Variants in MAP3K4 observed in about 807,000 individuals in gnomAD.
MAP3K4 encodes the protein MAP three kinase 1.
A neutral mutation model predicts 185.6 loss-of-function variants in MAP3K4; 67 were observed. The observed-to-expected ratio is 0.36, with a 90% CI of 0.30 to 0.44. MAP3K4 has a LOEUF of 0.44. Among genes scored for constraint, MAP3K4 ranks in the 20% least tolerant of loss-of-function variants. MAP3K4 has a pLI of 1.00. For synonymous variants in MAP3K4, 702 were observed against 710.4 expected (o/e 0.99, Z 0.19); for missense variants, 1,551 against 1,995.1 (o/e 0.78, Z 4.24).
rs758582929 is a variant in MAP3K4 at position 161,106,483 on chromosome 6, G to A, written c.3857-31G>A. The stretch of plus-strand genomic sequence containing the variant: ...GGAAACTGACTTGATAACAGTGATT[G>A]GGACTAATGAGGTTTTGGTTCTCTC... On this transcript the variant is annotated intron_variant, in intron 19 of 26. Transcript: ENST00000392142. This position sits in a 1 kb window ranked among gnomAD's most constrained non-coding sequence, Gnocchi z 4.9. The A allele has an allele frequency of 2.0e-6, 3 of 1,520,406 alleles. No individual in the cohort carries two copies. The South Asian group carries it at 3.7e-5, about 19-fold the overall frequency. The allele number at this position is 1,520,406 out of a possible 1,614,324, so 94.2% of individuals were successfully genotyped here.
chr6:161,115,583 G>A lies in MAP3K4; in HGVS notation c.4806+281G>A, dbSNP rs766809776. 5.3e-5 allele frequency among the ~76,000 whole-genome samples: 8 copies of A among 152,202 alleles called. No individual in the cohort carries two copies. Among genetic ancestry groups the A allele is most frequent in the Non-Finnish European group, 1.0e-4 (7 of 68,038 alleles). On this transcript the variant is annotated intron_variant, in intron 26 of 26. Coordinates refer to ENST00000392142, the MANE Select transcript of MAP3K4 (RefSeq NM_005922.4). The surrounding 1 kb of genome is among the most constrained non-coding windows in gnomAD (Gnocchi z 6.0). ...TGGATGAAAGAGTTTCCACTCTTGA[G>A]AGTGTATAGTCTACTTGGAGGGTCA...
chr6:161,110,786 G>T lies in MAP3K4; in HGVS notation c.4396+872G>T, dbSNP rs1778310717. Among the ~76,000 whole-genome samples the T allele has an allele frequency of 6.6e-6, 1 of 152,214 alleles. No homozygotes were observed. The highest frequency in any genetic ancestry group is 6.5e-5 in the Admixed American group (1 of 15,282). On this transcript the variant is annotated intron_variant, in intron 23 of 26. Coordinates refer to ENST00000392142, the MANE Select transcript of MAP3K4 (RefSeq NM_005922.4). This position sits in a 1 kb window ranked among gnomAD's most constrained non-coding sequence, Gnocchi z 4.8. ...CCAGCATACACCGGTCTCATTGGCT[G>T]CCTGCCTGTCCGCTACCTTGCTTTG... is the stretch of plus-strand genomic sequence containing the variant.
intron 1 of MAP3K4, among the ~76,000 whole-genome samples, chr6:161,030,939 G>A (rs980783671): frequency 7.2e-5 from 11 of 152,116 alleles, no homozygotes; most frequent in African/African-American, 2.4e-4. Context: ...TTTTAATTAC[G>A]AATTATAAGT....
chr6:161,095,644 T>C (rs1295052611), intron 15 of MAP3K4, among the ~76,000 whole-genome samples: 1 of 152,240 alleles, frequency 6.6e-6, no homozygotes, highest in African/African-American at 2.4e-5. Context: ...TCAACAGGTA[T>C]TGATCTCACT....
chr6:161,076,371 G>A lies in MAP3K4; in HGVS notation c.2097+2759G>A, dbSNP rs1025775849. Among the ~76,000 whole-genome samples, 1 of 152,196 alleles carries A rather than the reference G, an allele frequency of 6.6e-6. No individual in the cohort carries two copies. Among genetic ancestry groups the A allele is most frequent in the Non-Finnish European group, 1.5e-5 (1 of 68,038 alleles). On this transcript the variant is annotated intron_variant, in intron 5 of 26. Coordinates refer to ENST00000392142, the MANE Select transcript of MAP3K4 (RefSeq NM_005922.4). The surrounding 1 kb of genome is among the most constrained non-coding windows in gnomAD (Gnocchi z 4.2). Reference sequence around the variant, plus strand: ...AATGGGAGCTCTCTTAGCAGGGGGAGGGGAAGCAGTGATTAGCAAGTTATG... The same window carrying A: ...AATGGGAGCTCTCTTAGCAGGGGGAAGGGAAGCAGTGATTAGCAAGTTATG...
intron 3 of MAP3K4, among the ~76,000 whole-genome samples, chr6:161,052,137 C>G (rs1198768863): frequency 6.6e-6 from 1 of 152,096 alleles, no homozygotes; most frequent in Non-Finnish European, 1.5e-5. Flanking sequence ...TTGGACATGT[C>G]GGGCTTCCGT....
At chr6:161,040,390 G>A (rs1183255407) in intron 2 of MAP3K4, among the ~76,000 whole-genome samples, 1 of 152,052 alleles carries the variant, frequency 6.6e-6, no homozygotes, top group East Asian at 1.9e-4. Flanking sequence ...GTATTTAATT[G>A]AATGCAACTA....
intron 1 of MAP3K4, among the ~76,000 whole-genome samples, chr6:161,031,536 C>T (rs1031002495): frequency 2.0e-5 from 3 of 152,090 alleles, no homozygotes; most frequent in Non-Finnish European, 4.4e-5. Context: ...CTTTTTAGAT[C>T]GTGACGCTCC....
rs986694813 is a variant in MAP3K4 at position 161,049,824 on chromosome 6, A to G, written c.1552A>G (p.Ser518Gly). 1 of 1,614,200 alleles carries G rather than the reference A, an allele frequency of 6.2e-7. No individual in the cohort carries two copies. Among genetic ancestry groups the G allele is most frequent in the Non-Finnish European group, 8.5e-7 (1 of 1,180,010 alleles). Reference protein sequence around the residue: ...APDWSTEAGFSRHCLTSIYRP... With the variant: ...APDWSTEAGFGRHCLTSIYRP... The stretch of plus-strand genomic sequence containing the variant: ...AGACTGGAGCACAGAAGCAGGCTTT[A>G]GTAGACATTGTCTGACTTCTATTTA... Residue 518 changes from serine (S) to glycine (G), a missense_variant, in exon 3 of 27, where the codon AGT becomes GGT. Ser to Gly is a moderately conservative substitution (Grantham distance 56). This residue lies in a region of MAP3K4 where 126 missense variants were observed against 112.8 expected (regional missense o/e 1.12). Coordinates refer to ENST00000392142, the MANE Select transcript of MAP3K4 (RefSeq NM_005922.4). The surrounding 1 kb of genome is among the most constrained non-coding windows in gnomAD (Gnocchi z 8.4).
rs899668116 is a variant in MAP3K4, at chr6:161,093,535, C to A, written c.3349-238C>A. On this transcript the variant is annotated intron_variant, in intron 14 of 26. Coordinates refer to ENST00000392142, the MANE Select transcript of MAP3K4 (RefSeq NM_005922.4). The surrounding 1 kb of genome is among the most constrained non-coding windows in gnomAD (Gnocchi z 5.2). The stretch of plus-strand genomic sequence containing the variant: ...ACATGAAAAGTTCTTTGCTTGTACA[C>A]GTTATTGTGTTATGGGAAATTGACA... Among the ~76,000 whole-genome samples, 1 of 152,070 alleles carries A rather than the reference C, an allele frequency of 6.6e-6. No individual in the cohort carries two copies. The highest frequency in any genetic ancestry group is 1.5e-5 in the Non-Finnish European group (1 of 67,996).
Position 161,048,814 on chromosome 6 carries a change from A to G in MAP3K4, c.542A>G (p.Asp181Gly), listed in dbSNP as rs772683588. 2.5e-6 allele frequency: 4 copies of G among 1,614,160 alleles called. No individual in the cohort carries two copies. The highest frequency in any genetic ancestry group is 3.4e-6 in the Non-Finnish European group (4 of 1,180,026). Residue 181 changes from aspartate (D) to glycine (G), a missense_variant, in exon 3 of 27, where the codon GAT becomes GGT. Transcript: ENST00000392142. This position sits in a 1 kb window ranked among gnomAD's most constrained non-coding sequence, Gnocchi z 4.7. ...TCTTTGCCAAAAAAATCAATTCCAG[A>G]TGTGGATCTCAATAAGCCTTACCTC... ...GGSLPKKSIP[D>G]VDLNKPYLSL... is the part of the protein sequence containing the mutation.
rs775701664 is a variant in MAP3K4 at position 161,000,869 on chromosome 6, A to G, written c.152+8786A>G. Among the ~76,000 whole-genome samples the G allele has an allele frequency of 4.0e-5, 6 of 149,814 alleles. No homozygotes were observed. In the East Asian group the frequency reaches 7.8e-4, roughly 19 times the overall value. Reference sequence around the variant, plus strand: ...TACGCACATATACACATGTGTACACATACATATATGTATATTATACTATAC... The same window carrying G: ...TACGCACATATACACATGTGTACACGTACATATATGTATATTATACTATAC... On this transcript the variant is annotated intron_variant, in intron 1 of 26. Transcript: ENST00000392142.
At position 161,016,260 on chromosome 6, in the gene MAP3K4, T is replaced by C. The variant is rs533758624; in HGVS notation, c.153-17999T>C. Among the ~76,000 whole-genome samples the C allele has an allele frequency of 5.9e-5, 9 of 152,338 alleles. 1 individual carries two copies. The East Asian group carries it at 7.7e-4, about 13-fold the overall frequency. ...GTATATTCTTTATATAAGTCTCTTA[T>C]TAGATACATGATTTGCAAATATTTT... On this transcript the variant is annotated intron_variant, in intron 1 of 26. Transcript: ENST00000392142.
chr6:161,086,398 A>T lies in MAP3K4; in HGVS notation c.2392A>T (p.Ser798Cys), dbSNP rs765159136. ...TGGCAGGAGGTCTGTTATAGAGATC[A>T]GTCGAGCCCTGAAGGAGCTCTTCCA... ...DEIRRSVIEI[S>C]RALKELFHEA... Residue 798 changes from serine (S) to cysteine (C), a missense_variant, in exon 8 of 27, where the codon AGT becomes TGT. Coordinates refer to ENST00000392142, the MANE Select transcript of MAP3K4 (RefSeq NM_005922.4). This position sits in a 1 kb window ranked among gnomAD's most constrained non-coding sequence, Gnocchi z 4.8. 1 of 1,613,324 alleles carries T rather than the reference A, an allele frequency of 6.2e-7. No individual in the cohort carries two copies. Among genetic ancestry groups the T allele is most frequent in the Non-Finnish European group, 8.5e-7 (1 of 1,179,528 alleles).
Position 161,103,211 on chromosome 6 carries a change from C to A in MAP3K4, c.3856+432C>A, listed in dbSNP as rs1777912101. ...AATGATCTATAAAATGCTTTCATGT[C>A]TTTTTTTGCTCAACAATATTGAGCA... is the stretch of plus-strand genomic sequence containing the variant. On this transcript the variant is annotated intron_variant, in intron 19 of 26. Transcript: ENST00000392142. This position sits in a 1 kb window ranked among gnomAD's most constrained non-coding sequence, Gnocchi z 4.6. Among the ~76,000 whole-genome samples the A allele has an allele frequency of 6.6e-6, 1 of 152,084 alleles. No homozygotes were observed. The highest frequency in any genetic ancestry group is 6.6e-5 in the Admixed American group (1 of 15,266).
chr6:161,027,895 G>T (rs572815784), intron 1 of MAP3K4, among the ~76,000 whole-genome samples: 1 of 152,324 alleles, frequency 6.6e-6, no homozygotes, highest in South Asian at 2.1e-4. Flanking sequence ...CACTCATAGG[G>T]TTAGCAAGTT....
intron 3 of MAP3K4, among the ~76,000 whole-genome samples, chr6:161,059,821 A>T (rs1784409020): frequency 6.8e-6 from 1 of 146,842 alleles, no homozygotes; most frequent in African/African-American, 2.5e-5. Context: ...ATCATTGTTC[A>T]TTATATTTCT....
In MAP3K4 at chr6:161,071,393, G is replaced by GA. The variant is rs1784937203; in HGVS notation, c.1950+544dup. Among the ~76,000 whole-genome samples the GA allele has an allele frequency of 6.6e-6, 1 of 152,190 alleles. No individual in the cohort carries two copies. The highest frequency in any genetic ancestry group is 1.5e-5 in the Non-Finnish European group (1 of 68,030). On this transcript the variant is annotated intron_variant, in intron 4 of 26. Coordinates refer to ENST00000392142, the MANE Select transcript of MAP3K4 (RefSeq NM_005922.4). This position sits in a 1 kb window ranked among gnomAD's most constrained non-coding sequence, Gnocchi z 4.6. Reference sequence around the variant, plus strand: ...TGTATCCAGCAGAGTGAGTGCTGAAGAGGGTCTGTATTTATTATTTATGAT... The same window carrying GA: ...TGTATCCAGCAGAGTGAGTGCTGAAGAAGGGTCTGTATTTATTATTTATGAT...
At position 160,991,836 on chromosome 6, in the gene MAP3K4, G is replaced by A; in HGVS notation, c.-96G>A. 7.5e-7 allele frequency: 1 copy of A among 1,330,656 alleles called. No individual in the cohort carries two copies. The highest frequency in any genetic ancestry group is 9.7e-7 in the Non-Finnish European group (1 of 1,032,526). 82.4% of individuals were successfully genotyped at this position (1,330,656 alleles called of 1,614,324 possible). On this transcript the variant is annotated 5_prime_UTR_variant, in exon 1 of 27. Transcript: ENST00000392142. The surrounding 1 kb of genome is among the most constrained non-coding windows in gnomAD (Gnocchi z 5.7). ...GCTCCTGCGGCGGGGTAGAGGCGGA[G>A]GCGGAGTCGAGTCACTCCCGCACTT...
Sources: allele counts gnomAD v4.1 joint callset (sites outside exome capture counted in the v4.1 genomes callset), GRCh38; gene constraint gnomAD v4.1.1; regional missense constraint gnomAD v4.1.1; non-coding constraint Gnocchi (gnomAD v3.1); transcripts MANE v1.5; gene names NCBI Gene and HGNC (gene_info 2026-07-23, HGNC 2026-07-21).